Variants in DNAI4 observed in about 807,000 individuals in gnomAD.
The protein encoded by DNAI4 is dynein axonemal intermediate chain 4.
DNAI4 carries 85 observed loss-of-function variants against 105.8 expected under a neutral mutation model. The observed-to-expected ratio is 0.80, with a 90% CI of 0.67 to 0.96. DNAI4 has a LOEUF of 0.96. DNAI4 is among the 40% of genes least tolerant of loss of function. The pLI is 0.00. For synonymous variants in DNAI4, 352 were observed against 331.5 expected, an observed-to-expected ratio of 1.06 and a Z score of -0.67; for missense variants, 1,014 against 1,005.6, an observed-to-expected ratio of 1.01 and a Z score of -0.11.
At chr1:66,892,369 G>T (rs1647734253) in intron 3 of DNAI4, among the ~76,000 whole-genome samples, 2 of 152,234 alleles carry the variant, frequency 1.3e-5, no homozygotes, top group Non-Finnish European at 2.9e-5. Flanking sequence ...GGGGAAAAAA[G>T]GAAAGCCACC....
chr1:66,919,543 G>A (rs1364708008), intron 1 of DNAI4, among the ~76,000 whole-genome samples: 1 of 152,118 alleles, frequency 6.6e-6, no homozygotes, highest in African/African-American at 2.4e-5. Flanking sequence ...AAATATTCTG[G>A]GGATCCCATG....
intron 6 of DNAI4, among the ~76,000 whole-genome samples, chr1:66,869,116 A>AAT (rs150114253): frequency 0.042 from 6,103 of 145,632 alleles, 138 homozygotes; most frequent in Middle Eastern, 0.066. Context: ...CCTAGATATG[A>AAT]ATATATATAT....
chr1:66,849,348 G>A (rs570152943), intron 7 of DNAI4, among the ~76,000 whole-genome samples: 35 of 152,226 alleles, frequency 2.3e-4, no homozygotes, highest in Admixed American at 1.5e-3. Context: ...TGTCATTGGA[G>A]GTCAAGTGGC....
At chr1:66,835,856 G>A in intron 10 of DNAI4, 79 bp from the exon 11 acceptor site, 1 of 1,354,138 alleles carries the variant, frequency 7.4e-7, no homozygotes, top group Non-Finnish European at 1.0e-6. Context: ...CTGAGATTTA[G>A]TTTGGTGGCA....
At chr1:66,893,063 G>GAGAGAAAGAAAGAAAGAA (rs879150798) in intron 3 of DNAI4, among the ~76,000 whole-genome samples, 166 bp downstream of exon 3, 1 of 89,548 alleles carries the variant, frequency 1.1e-5, no homozygotes, top group African/African-American at 4.9e-5. Flanking sequence ...AAGAGAGAGA[G>GAGAGAAAGAAAGAAAGAA]AGAAAGAAAG....
intron 16 of DNAI4, among the ~76,000 whole-genome samples, chr1:66,816,947 A>G (rs1285193044): frequency 6.6e-6 from 1 of 152,152 alleles, no homozygotes; most frequent in Non-Finnish European, 1.5e-5. Flanking sequence ...GTGTCTACTA[A>G]AAATATGTTT....
chr1:66,858,402 G>A (rs1425531796), intron 7 of DNAI4, among the ~76,000 whole-genome samples: 3 of 151,346 alleles, frequency 2.0e-5, no homozygotes, highest in Non-Finnish European at 2.9e-5. Context: ...GCGTGGTGGC[G>A]GGCACCTGTA....
rs1646450081 is a variant in DNAI4 at position 66,854,058 on chromosome 1, T to C, written c.1097-6380A>G. Among the ~76,000 whole-genome samples the C allele has an allele frequency of 5.3e-5, 8 of 152,190 alleles. No individual in the cohort carries two copies. In the South Asian group the frequency reaches 1.5e-3, roughly 28 times the overall value. On this transcript the variant is annotated intron_variant, in intron 7 of 16. Transcript: ENST00000371026. ...GAAAAACATAGAAGAATCTACTGTA[T>C]TTCTAAATACTACCAATAAACAGGT...
intron 15 of DNAI4, among the ~76,000 whole-genome samples, chr1:66,825,773 T>C (rs1237406806): frequency 1.3e-5 from 2 of 152,210 alleles, no homozygotes; most frequent in African/African-American, 4.8e-5. Flanking sequence ...GTTCATACTG[T>C]TTTGTAAAAC....
intron 2 of DNAI4, among the ~76,000 whole-genome samples, chr1:66,902,359 C>G (rs1648897174): frequency 6.6e-6 from 1 of 152,026 alleles, no homozygotes; most frequent in African/African-American, 2.4e-5. Context: ...ATTTGTACAT[C>G]TTCTTTGTAA....
chr1:66,859,343 T>C (rs1328977613), intron 7 of DNAI4, among the ~76,000 whole-genome samples: 1 of 120,776 alleles, frequency 8.3e-6, no homozygotes, highest in Non-Finnish European at 1.7e-5. Context: ...TGCTCACTCA[T>C]TGCTAATGGA....
chr1:66,812,927 G>T lies in DNAI4; in HGVS notation c.*1203C>A, dbSNP rs550227062. The stretch of plus-strand genomic sequence containing the variant: ...AGTTTTTTATTTTCTTACACAAGGT[G>T]TTATAGAAAATCCAATCTTTCAGAA... On this transcript the variant is annotated 3_prime_UTR_variant, in exon 17 of 17. Transcript: ENST00000371026. The T allele has an allele frequency of 5.9e-5, 9 of 152,284 alleles. No homozygotes were observed. Among genetic ancestry groups the T allele is most frequent in the African/African-American group, 2.2e-4 (9 of 41,422 alleles). 9.4% of individuals were successfully genotyped at this position (152,284 alleles called of 1,614,324 possible). A position where few individuals can be genotyped will look rare whatever the true frequency, so the allele number is the denominator to read the frequency against.
chr1:66,833,400 C>CCCT (rs1645909958), intron 13 of DNAI4, among the ~76,000 whole-genome samples, 185 bp downstream of exon 13: 1 of 152,060 alleles, frequency 6.6e-6, no homozygotes, highest in Non-Finnish European at 1.5e-5. Flanking sequence ...ATTTTTCCCT[C>CCCT]CCTCCTCACC....
intron 13 of DNAI4, among the ~76,000 whole-genome samples, chr1:66,830,430 A>C (rs1290987981): frequency 2.6e-5 from 4 of 152,136 alleles, no homozygotes; most frequent in Non-Finnish European, 5.9e-5. Flanking sequence ...ACTTGAGCCC[A>C]GGAGTTTGAC....
chr1:66,860,621 C>A (rs879271280), intron 7 of DNAI4: 1 of 151,124 alleles, frequency 6.6e-6, no homozygotes, highest in Non-Finnish European at 1.5e-5. Context: ...TTTTATTGTC[C>A]CTTTTGGTTT....
At chr1:66,846,201 A>C (rs550654570) in intron 8 of DNAI4, among the ~76,000 whole-genome samples, 7 of 152,242 alleles carry the variant, frequency 4.6e-5, no homozygotes, top group Admixed American at 2.6e-4. Flanking sequence ...AGGATGAAAA[A>C]TCTATATATA....
intron 7 of DNAI4, among the ~76,000 whole-genome samples, chr1:66,849,048 T>C (rs1646338764): frequency 6.6e-6 from 1 of 152,150 alleles, no homozygotes; most frequent in Non-Finnish European, 1.5e-5. Flanking sequence ...GTGGTCCCCT[T>C]CCTACAGTGT....
At chr1:66,921,101 G>T (rs1650448810) in intron 1 of DNAI4, 1 of 152,158 alleles carries the variant, frequency 6.6e-6, no homozygotes, top group Non-Finnish European at 1.5e-5. Context: ...AAATAATTGT[G>T]ATTAATATGC....
At position 66,884,644 on chromosome 1, in the gene DNAI4, T is replaced by G. The variant is rs116482969; in HGVS notation, c.643+6510A>C. ...TTGCTAATATTCTGTTGAGGATTTT[T>G]GCATCCATGTTCATCAAGGATATTG... On this transcript the variant is annotated intron_variant, in intron 4 of 16. Transcript: ENST00000371026. 8.0e-3 allele frequency among the ~76,000 whole-genome samples: 1,223 copies of G among 152,338 alleles called. 13 individuals are homozygous for G. The highest frequency in any genetic ancestry group is 0.028 in the African/African-American group (1,179 of 41,568).
Sources: allele counts gnomAD v4.1 joint callset (sites outside exome capture counted in the v4.1 genomes callset), GRCh38; gene constraint gnomAD v4.1.1; transcripts MANE v1.5; gene names NCBI Gene and HGNC (gene_info 2026-07-23, HGNC 2026-07-21).